PLEKHG2: variants seen among roughly 807,000 people sequenced by gnomAD.
PLEKHG2 encodes pleckstrin homology domain-containing family G member 2.
PLEKHG2 carries 71 observed loss-of-function variants against 104.4 expected under a neutral mutation model. The observed-to-expected ratio is 0.68, with a 90% confidence interval of 0.56 to 0.83. The LOEUF is 0.83. Ranked by LOEUF, PLEKHG2 falls within the 40% of genes least tolerant of loss-of-function variation. The pLI, the probability that PLEKHG2 is intolerant of heterozygous loss-of-function variation, is 0.00. For synonymous variants in PLEKHG2, 728 were observed against 737.0 expected (o/e 0.99, Z 0.20); for missense variants, 1,730 against 1,809.4 (o/e 0.96, Z 0.80).
chr19:39,425,863 A>C lies in PLEKHG2; in HGVS notation c.*569A>C. ...TCTAGCTTTCCCGCTCCATCTACCC[A>C]TCTTCCAATCCATCATCTCACGTAT... On this transcript the variant is annotated 3_prime_UTR_variant, in exon 19 of 19. Coordinates refer to ENST00000425673, the MANE Select transcript of PLEKHG2 (RefSeq NM_022835.3). 6.5e-6 allele frequency: 1 copy of C among 155,008 alleles called. No homozygotes were observed. The highest frequency in any genetic ancestry group is 1.4e-5 in the Non-Finnish European group (1 of 70,082). 9.6% of individuals were successfully genotyped at this position (155,008 alleles called of 1,614,324 possible). A position where few individuals can be genotyped will look rare whatever the true frequency, so the allele number is the denominator to read the frequency against.
Position 39,424,870 on chromosome 19 carries a change from C to T in PLEKHG2, c.3737C>T (p.Ser1246Phe), listed in dbSNP as rs368141846. 30 of 1,614,122 alleles carry T rather than the reference C, an allele frequency of 1.9e-5. No individual in the cohort carries two copies. Among genetic ancestry groups the T allele is most frequent in the Admixed American group, 3.3e-5 (2 of 60,010 alleles). ...VLSKPGGSLA[S>F]HVARLESSDL... ...TCCAAACCAGGAGGCTCCTTAGCCT[C>T]TCACGTTGCCAGGTTGGAGTCTTCA... Residue 1246 changes from serine (S) to phenylalanine (F), a missense_variant, in exon 19 of 19, where the codon TCT becomes TTT. By Grantham distance (155) the Ser-to-Phe change is radical. Transcript: ENST00000425673.
rs377132673 is a variant in PLEKHG2, at chr19:39,415,161, G to T, written c.279G>T (p.Gly93=). The change falls in exon 3 of 19, where the codon GGG becomes GGT. Residue 93 remains glycine, a synonymous_variant. Coordinates refer to ENST00000425673, the MANE Select transcript of PLEKHG2 (RefSeq NM_022835.3). The surrounding 1 kb of genome is among the most constrained non-coding windows in gnomAD (Gnocchi z 4.6). ...PPIRLHLSPV[G]IPGSARPSRL... ...TCCGCCTACATCTCTCTCCGGTGGG[G>T]ATCCCAGGTTCAGCCAGACCCTCAA... is the stretch of plus-strand genomic sequence containing the variant. The T allele has an allele frequency of 3.1e-6, 5 of 1,598,364 alleles. No individual in the cohort carries two copies. The African/African-American group carries it at 6.7e-5, about 21-fold the overall frequency.
Position 39,418,821 on chromosome 19 carries a change from C to T in PLEKHG2, c.1171C>T (p.Leu391Phe), listed in dbSNP as rs757986468. Reference protein sequence around the residue: ...DLTIPKHRHLLQAKNQEEKRL... With the variant: ...DLTIPKHRHLFQAKNQEEKRL... ...GACCATTCCCAAGCACAGACACCTG[C>T]TCCAGGTGAGCATGTAGTGGGATCA... is the stretch of plus-strand genomic sequence containing the variant. The change falls in exon 10 of 19, where the codon CTC becomes TTC. Residue 391 changes from leucine to phenylalanine, a missense_variant. Leu to Phe is a conservative substitution (Grantham distance 22). Coordinates refer to ENST00000425673, the MANE Select transcript of PLEKHG2 (RefSeq NM_022835.3). The T allele has an allele frequency of 2.5e-5, 41 of 1,608,316 alleles. No homozygotes were observed. The South Asian group carries it at 4.3e-4, about 17-fold the overall frequency.
At chr19:39,421,988 G>A (rs2078705324) in intron 16 of PLEKHG2, 127 bp from the exon 17 acceptor site, 2 of 1,023,396 alleles carry the variant, frequency 2.0e-6, no homozygotes, top group Admixed American at 6.6e-5. Context: ...TTGCACTGCA[G>A]GCTGGGCGAC....
At chr19:39,422,697 GAT>G in intron 17 of PLEKHG2, 33 bp from the exon 18 acceptor site, 1 of 1,508,100 alleles carries the variant, frequency 6.6e-7, no homozygotes, top group Non-Finnish European at 8.8e-7. Context: ...CTACCATGCT[GAT>G]ATGTTTGGCT....
chr19:39,424,510 A>G lies in PLEKHG2; in HGVS notation c.3377A>G (p.Asn1126Ser), dbSNP rs189011464. 128 of 1,613,888 alleles carry G rather than the reference A, an allele frequency of 7.9e-5. 2 individuals are homozygous for G. In the Admixed American group the frequency reaches 2.1e-3, roughly 26 times the overall value. ...GSHLDHRIPA[N>S]APLSLSQELP... ...CACCTGGACCATCGGATCCCAGCCAACGCCCCACTGTCTTTGTCCCAGGAG... is the reference window on the plus strand; with the variant it reads ...CACCTGGACCATCGGATCCCAGCCAGCGCCCCACTGTCTTTGTCCCAGGAG... The change falls in exon 19 of 19, where the codon AAC becomes AGC. Residue 1126 changes from asparagine (N) to serine (S), a missense_variant. By Grantham distance (46) the Asn-to-Ser change is conservative. Coordinates refer to ENST00000425673, the MANE Select transcript of PLEKHG2 (RefSeq NM_022835.3).
rs1600648890 is a variant in PLEKHG2, at chr19:39,416,761, A to G, written c.594-89A>G. ...CTGCCCCGCCCCCTGTCAGACCCTG[A>G]CCCTTCCCAAACCCTGGCCCCTCCC... On this transcript the variant is annotated intron_variant, in intron 6 of 18. Coordinates refer to ENST00000425673, the MANE Select transcript of PLEKHG2 (RefSeq NM_022835.3). This position sits in a 1 kb window ranked among gnomAD's most constrained non-coding sequence, Gnocchi z 4.5. 6 of 1,482,054 alleles carry G rather than the reference A, an allele frequency of 4.0e-6. No individual in the cohort carries two copies. The highest frequency in any genetic ancestry group is 2.3e-5 in the East Asian group (1 of 44,064). 91.8% of individuals were successfully genotyped at this position (1,482,054 alleles called of 1,614,324 possible).
At chr19:39,421,375 A>G in intron 16 of PLEKHG2, 76 bp downstream of exon 16, 1 of 1,492,742 alleles carries the variant, frequency 6.7e-7, no homozygotes, top group South Asian at 1.2e-5. Context: ...GAGTTCCAAA[A>G]TCCTGGGTCT....
Position 39,424,746 on chromosome 19 carries a change from G to A in PLEKHG2, c.3613G>A (p.Asp1205Asn). The change falls in exon 19 of 19, where the codon GAT (aspartate) becomes AAT (asparagine). Residue 1205 changes from aspartate to asparagine, a missense_variant. Asp to Asn is a conservative substitution (Grantham distance 23). Transcript: ENST00000425673. Reference sequence around the variant, plus strand: ...TTCGTTGGAGCAGAAGAGCCTCATAGATGCCCATGTTCCAGCTGCCACACC... The same window carrying A: ...TTCGTTGGAGCAGAAGAGCCTCATAAATGCCCATGTTCCAGCTGCCACACC... ...TPSLEQKSLI[D>N]AHVPAATPLP... 1 of 1,614,214 alleles carries A rather than the reference G, an allele frequency of 6.2e-7. No individual in the cohort carries two copies. Among genetic ancestry groups the A allele is most frequent in the Non-Finnish European group, 8.5e-7 (1 of 1,180,042 alleles).
In PLEKHG2 at chr19:39,423,388, G is replaced by A. The variant is rs10413140; in HGVS notation, c.2334G>A (p.Gln778=). ...CCTGGCAGGCATTGGAACAGGGACA[G>A]CTGGCCCGGCCAGGCTTCCCAGAGC... The part of the protein sequence containing the change: ...RSAWQALEQG[Q]LARPGFPEPL... The change falls in exon 18 of 19, where the codon CAG becomes CAA. Residue 778 remains glutamine (Q), a synonymous_variant. Transcript: ENST00000425673. The A allele has an allele frequency of 4.3e-3, 7,006 of 1,611,732 alleles. 296 individuals carry two copies. The African/African-American group carries it at 0.084, about 19-fold the overall frequency.
At chr19:39,419,058 A>G (rs2078656040) in intron 11 of PLEKHG2, 55 bp downstream of exon 11, 1 of 1,491,960 alleles carries the variant, frequency 6.7e-7, no homozygotes, top group Admixed American at 2.0e-5. Flanking sequence ...ACCCTCCCCC[A>G]ATAGTACTAA....
rs1242062599 is a variant in PLEKHG2, at chr19:39,425,573, A to C, written c.*279A>C. On this transcript the variant is annotated 3_prime_UTR_variant, in exon 19 of 19. Coordinates refer to ENST00000425673, the MANE Select transcript of PLEKHG2 (RefSeq NM_022835.3). ...GGAGATGACAAGACAATGAATGGGA[A>C]GGTCTGACACAGAACAAATCAGCGG... 1 of 479,224 alleles carries C rather than the reference A, an allele frequency of 2.1e-6. No homozygotes were observed. The highest frequency in any genetic ancestry group is 3.5e-6 in the Non-Finnish European group (1 of 283,034). The allele number at this position is 479,224 out of a possible 1,614,324, so 29.7% of individuals were successfully genotyped here. A position where few individuals can be genotyped will look rare whatever the true frequency, so the allele number is the denominator to read the frequency against.
chr19:39,422,632 G>T (rs181815444), intron 17 of PLEKHG2, 100 bp from the exon 18 acceptor site: 2 of 1,410,492 alleles, frequency 1.4e-6, no homozygotes, highest in Non-Finnish European at 1.9e-6. Context: ...CAAGTGACCC[G>T]CCCACTTCAG....
rs1190480866 is a variant in PLEKHG2 at position 39,419,111 on chromosome 19, A to T, written c.1263+108A>T. ...TGCCAGAGCAGTCTGTTATAATGTG[A>T]TTGCTAAAAGTGCAGAATTCCGCTA... On this transcript the variant is annotated intron_variant, in intron 11 of 18. Coordinates refer to ENST00000425673, the MANE Select transcript of PLEKHG2 (RefSeq NM_022835.3). 4.9e-6 allele frequency: 5 copies of T among 1,025,660 alleles called. No homozygotes were observed. In the African/African-American group the frequency reaches 8.2e-5, roughly 17 times the overall value. The allele number at this position is 1,025,660 out of a possible 1,614,324, so 63.5% of individuals were successfully genotyped here. A position where few individuals can be genotyped will look rare whatever the true frequency, so the allele number is the denominator to read the frequency against.
chr19:39,418,255 G>C, intron 9 of PLEKHG2, 150 bp downstream of exon 9: 1 of 705,654 alleles, frequency 1.4e-6, no homozygotes, highest in Non-Finnish European at 2.1e-6. Context: ...TCTTTCTAGT[G>C]TATAGAATGA....
At chr19:39,419,027 G>A (rs762667319) in intron 11 of PLEKHG2, 24 bp downstream of exon 11, 3 of 1,591,304 alleles carry the variant, frequency 1.9e-6, no homozygotes, top group Admixed American at 1.8e-5. Flanking sequence ...CGCAGCCGGG[G>A]GCCCTCTGAG....
Position 39,416,208 on chromosome 19 carries a change from G to T in PLEKHG2, c.480-140G>T. ...TAGCCCTCAGAGGACCCTTCCTCCG[G>T]ACATGACATCCCCTTAGGAGATGCT... On this transcript the variant is annotated intron_variant, in intron 4 of 18. Transcript: ENST00000425673. The surrounding 1 kb of genome is among the most constrained non-coding windows in gnomAD (Gnocchi z 4.5). 1.2e-6 allele frequency: 1 copy of T among 811,136 alleles called. No individual in the cohort carries two copies. 50.2% of individuals were successfully genotyped at this position (811,136 alleles called of 1,614,324 possible). A position where few individuals can be genotyped will look rare whatever the true frequency, so the allele number is the denominator to read the frequency against.
chr19:39,424,355 C>G lies in PLEKHG2; in HGVS notation c.3222C>G (p.Pro1074=), dbSNP rs1299229114. The change falls in exon 19 of 19, where the codon CCC becomes CCG. Residue 1074 remains proline, a synonymous_variant. Coordinates refer to ENST00000425673, the MANE Select transcript of PLEKHG2 (RefSeq NM_022835.3). The stretch of plus-strand genomic sequence containing the variant: ...GCCCAGACCCTGTCTGCAGTCAACC[C>G]ATCCAGCCTTTGTCTTGGCATGGAA... ...VQGPDPVCSQ[P]IQPLSWHGSS... 6.2e-7 allele frequency: 1 copy of G among 1,614,202 alleles called. No homozygotes were observed. Among genetic ancestry groups the G allele is most frequent in the African/African-American group, 1.3e-5 (1 of 75,052 alleles).
intron 11 of PLEKHG2, among the ~76,000 whole-genome samples, chr19:39,420,424 G>A (rs906072456): frequency 1.3e-5 from 2 of 152,126 alleles, no homozygotes; most frequent in African/African-American, 4.8e-5. Context: ...ACTCAGGAGG[G>A]TGAGGTGGGA....
Sources: allele counts gnomAD v4.1 joint callset (sites outside exome capture counted in the v4.1 genomes callset), GRCh38; gene constraint gnomAD v4.1.1; non-coding constraint Gnocchi (gnomAD v3.1); transcripts MANE v1.5; gene names NCBI Gene and HGNC (gene_info 2026-07-23, HGNC 2026-07-21).